The following MAMDC2 variants were observed in gnomAD, a reference collection of about 807,000 sequenced individuals.
The protein encoded by MAMDC2 is MAM domain-containing protein 2.
MAMDC2 carries 57 observed loss-of-function variants against 89.8 expected under a neutral mutation model. The observed-to-expected ratio is 0.63, with a 90% confidence interval of 0.51 to 0.79. MAMDC2 has a LOEUF of 0.79. MAMDC2 is among the 30% of genes least tolerant of loss of function. The pLI is 0.00. For missense variants in MAMDC2, 800 were observed against 820.6 expected, an observed-to-expected ratio of 0.97 and a Z score of 0.31; for synonymous variants, 313 against 293.4, an observed-to-expected ratio of 1.07 and a Z score of -0.68.
chr9:70,149,034 A>AG (rs1468213131), intron 9 of MAMDC2, among the ~76,000 whole-genome samples: 8 of 121,184 alleles, frequency 6.6e-5, no homozygotes, highest in Admixed American at 1.9e-4. Flanking sequence ...GTCTCAAAAA[A>AG]AAAAAAAAAA....
intron 11 of MAMDC2, among the ~76,000 whole-genome samples, chr9:70,182,991 T>C (rs2032677416): frequency 6.6e-6 from 1 of 152,248 alleles, no homozygotes; most frequent in African/African-American, 2.4e-5. Flanking sequence ...CATTTAGTGC[T>C]ATACATTTCC....
At chr9:70,199,220 T>G (rs2033045072) in intron 11 of MAMDC2, among the ~76,000 whole-genome samples, 1 of 31,608 alleles carries the variant, frequency 3.2e-5, no homozygotes. Context: ...CCCACCACAG[T>G]CCCCAGAGTG....
intron 6 of MAMDC2, among the ~76,000 whole-genome samples, chr9:70,127,417 A>G (rs926222675): frequency 2.0e-5 from 3 of 151,022 alleles, no homozygotes; most frequent in Admixed American, 1.3e-4. Context: ...ATTGCTATAA[A>G]GATTTGGAGC....
chr9:70,105,185 G>A (rs557204171), intron 2 of MAMDC2, among the ~76,000 whole-genome samples: 73 of 151,972 alleles, frequency 4.8e-4, no homozygotes, highest in Non-Finnish European at 7.6e-4. Flanking sequence ...AAAATATACC[G>A]TGTTCCTTCT....
intron 11 of MAMDC2, among the ~76,000 whole-genome samples, chr9:70,178,838 C>A (rs1314292753): frequency 6.6e-6 from 1 of 152,116 alleles, no homozygotes; most frequent in African/African-American, 2.4e-5. Context: ...AGTGTGAGTT[C>A]ATCAAGAATG....
chr9:70,064,011 G>A (rs1489778717), intron 2 of MAMDC2, among the ~76,000 whole-genome samples: 2 of 151,516 alleles, frequency 1.3e-5, no homozygotes, highest in Non-Finnish European at 2.9e-5. Flanking sequence ...AATTACAAAG[G>A]GATAAGCATT....
At chr9:70,074,410 G>A (rs1322714178) in intron 2 of MAMDC2, among the ~76,000 whole-genome samples, 1 of 152,218 alleles carries the variant, frequency 6.6e-6, no homozygotes, top group Non-Finnish European at 1.5e-5. Flanking sequence ...AAATCCAAGG[G>A]GACAATGGGG....
In MAMDC2 at chr9:70,126,115, C is replaced by A. The variant is rs201767775; in HGVS notation, c.644-44C>A. The A allele has an allele frequency of 1.4e-4, 216 of 1,541,718 alleles. No individual in the cohort carries two copies. The African/African-American group carries it at 2.4e-3, about 17-fold the overall frequency. On this transcript the variant is annotated intron_variant, in intron 5 of 13. Transcript: ENST00000377182. ...TTCGCCTGAACCTCTTCCCCTCCCC[C>A]ACCCCCAACTCTTAACACTGTGCTC...
chr9:70,120,408 T>C (rs1015887986), intron 5 of MAMDC2, among the ~76,000 whole-genome samples: 5 of 152,208 alleles, frequency 3.3e-5, no homozygotes, highest in South Asian at 4.1e-4. Context: ...ACCTCTTCCA[T>C]GAGTGGTTCG....
chr9:70,118,360 T>C (rs1421019154), intron 5 of MAMDC2, among the ~76,000 whole-genome samples: 2 of 131,864 alleles, frequency 1.5e-5, no homozygotes, highest in Non-Finnish European at 3.2e-5. Flanking sequence ...TCCTCATGCC[T>C]GGAGTCCTCT....
At chr9:70,061,358 T>C (rs997945237) in intron 2 of MAMDC2, among the ~76,000 whole-genome samples, 1 of 152,184 alleles carries the variant, frequency 6.6e-6, no homozygotes, top group African/African-American at 2.4e-5. Context: ...CAGGAAGTCT[T>C]GTCATGGTGT....
At chr9:70,205,617 A>G (rs917513542) in intron 11 of MAMDC2, among the ~76,000 whole-genome samples, 1 of 152,208 alleles carries the variant, frequency 6.6e-6, no homozygotes, top group Non-Finnish European at 1.5e-5. Flanking sequence ...AACACATCAC[A>G]GTTGCTGTGC....
intron 9 of MAMDC2, among the ~76,000 whole-genome samples, chr9:70,144,158 TTCCC>T (rs1218502643): frequency 4.1e-4 from 62 of 152,328 alleles, no homozygotes; most frequent in African/African-American, 1.5e-3. Context: ...CTCTTTTTCT[TTCCC>T]TCCCTCTTTC....
intron 9 of MAMDC2, among the ~76,000 whole-genome samples, chr9:70,164,572 A>T (rs1477445082): frequency 6.6e-6 from 1 of 152,132 alleles, no homozygotes; most frequent in East Asian, 1.9e-4. Context: ...CTTTTAAGAG[A>T]TTTGCATAAA....
chr9:70,152,298 A>G (rs2031608441), intron 9 of MAMDC2, among the ~76,000 whole-genome samples: 1 of 152,078 alleles, frequency 6.6e-6, no homozygotes, highest in African/African-American at 2.4e-5. Context: ...TTTCCCTCAG[A>G]CCATTCTAGC....
At position 70,221,094 on chromosome 9, in the gene MAMDC2, A is replaced by G. The variant is rs564643384; in HGVS notation, c.1911+2498A>G. Reference sequence around the variant, plus strand: ...AAATATCTCATCTCAATAAGTACGTATTGTCCATTTACTATTCTAGGTGCT... The same window carrying G: ...AAATATCTCATCTCAATAAGTACGTGTTGTCCATTTACTATTCTAGGTGCT... On this transcript the variant is annotated intron_variant, in intron 12 of 13. Transcript: ENST00000377182. 1.3e-4 allele frequency among the ~76,000 whole-genome samples: 19 copies of G among 151,910 alleles called. No homozygotes were observed. The East Asian group carries it at 2.9e-3, about 23-fold the overall frequency.
intron 2 of MAMDC2, among the ~76,000 whole-genome samples, chr9:70,064,354 T>C (rs867996732): frequency 3.3e-5 from 5 of 152,176 alleles, no homozygotes; most frequent in African/African-American, 1.2e-4. Context: ...TGTATCACTC[T>C]TATGCCTGTG....
chr9:70,154,721 C>T (rs1009982984), intron 9 of MAMDC2, among the ~76,000 whole-genome samples: 3 of 151,712 alleles, frequency 2.0e-5, no homozygotes, highest in East Asian at 1.9e-4. Context: ...CTAAGTAGCT[C>T]GGGCTGGTCT....
At chr9:70,131,881 A>G (rs1435295308) in intron 7 of MAMDC2, among the ~76,000 whole-genome samples, 1 of 152,244 alleles carries the variant, frequency 6.6e-6, no homozygotes, top group Admixed American at 6.5e-5. Flanking sequence ...ATTAAATAAT[A>G]CTAACTTATT....
Sources: gnomAD v4.1 joint callset for allele counts (sites outside exome capture counted in the v4.1 genomes callset) on GRCh38, gnomAD v4.1.1 for gene constraint, MANE v1.5 for transcripts, NCBI Gene and HGNC (gene_info 2026-07-23, HGNC 2026-07-21) for gene names.